Variants in MRPL3 observed in about 807,000 individuals in gnomAD.
MRPL3 encodes the protein mitochondrial ribosomal protein L3, also known as large ribosomal subunit protein uL3m.
A neutral mutation model predicts 44.3 loss-of-function variants in MRPL3; 43 were observed. That is an observed-to-expected ratio of 0.97 (90% confidence interval 0.76 to 1.25). The LOEUF (loss-of-function observed/expected upper bound fraction) is 1.25. Among genes scored for constraint, MRPL3 ranks in the 50% most tolerant of loss-of-function variants. The pLI is 0.00. For synonymous variants in MRPL3, 171 were observed against 152.3 expected (o/e 1.12, Z -0.91); for missense variants, 406 against 427.6 (o/e 0.95, Z 0.45).
rs1433613457 is a variant in MRPL3, at chr3:131,466,697, G to C, written c.894+1394C>G. On this transcript the variant is annotated intron_variant, in intron 9 of 9. Coordinates refer to ENST00000264995, the MANE Select transcript of MRPL3 (RefSeq NM_007208.4). ...GCCAAAAAGCATTTTTTTTGGGGGG[G>C]GGTGGGGGCAGGGTTTACTTATAAT... is the stretch of plus-strand genomic sequence containing the variant. Among the ~76,000 whole-genome samples the C allele has an allele frequency of 1.8e-4, 27 of 148,864 alleles. No individual in the cohort carries two copies. The East Asian group carries it at 4.6e-3, about 25-fold the overall frequency.
intron 6 of MRPL3, among the ~76,000 whole-genome samples, chr3:131,478,580 C>A (rs1176234877): frequency 6.6e-6 from 1 of 152,182 alleles, no homozygotes; most frequent in African/African-American, 2.4e-5. Context: ...GCCACTCTTC[C>A]ATGCCTTTGT....
chr3:131,468,152 G>C lies in MRPL3; in HGVS notation c.833C>G (p.Thr278Arg). 1.3e-6 allele frequency: 2 copies of C among 1,587,804 alleles called. No homozygotes were observed. Among genetic ancestry groups the C allele is most frequent in the Non-Finnish European group, 1.7e-6 (2 of 1,169,422 alleles). The change falls in exon 9 of 10, where the codon ACA becomes AGA. Residue 278 changes from threonine (T) to arginine (R), a missense_variant. Physicochemically the swap from Thr to Arg is moderately conservative, Grantham distance 71 (BLOSUM62 -1). Coordinates refer to ENST00000264995, the MANE Select transcript of MRPL3 (RefSeq NM_007208.4). The stretch of plus-strand genomic sequence containing the variant: ...ATTTACATAGATTATGTTGTGCTTT[G>C]TGTTTATTCTCCACACCTAAAGCAT... Reference protein sequence around the residue: ...EYGLKVWRINTKHNIIYVNGS... With the variant: ...EYGLKVWRINRKHNIIYVNGS...
At chr3:131,479,187 C>A (rs768833654) in intron 6 of MRPL3, 1 of 519,058 alleles carries the variant, frequency 1.9e-6, no homozygotes, top group South Asian at 1.4e-5. Context: ...ACACTGTCCC[C>A]CCTGCCTGGA....
intron 6 of MRPL3, among the ~76,000 whole-genome samples, chr3:131,478,347 TTCCTTC>T (rs1933900686): frequency 6.6e-6 from 1 of 152,168 alleles, no homozygotes. Flanking sequence ...AACATCTCTC[TTCCTTC>T]AAGTTATCCT....
In MRPL3 at chr3:131,498,122, T is replaced by A. The variant is rs1934407018; in HGVS notation, c.468+57A>T. The A allele has an allele frequency of 2.5e-6, 3 of 1,183,562 alleles. No individual in the cohort carries two copies. The South Asian group carries it at 3.7e-5, about 15-fold the overall frequency. The allele number at this position is 1,183,562 out of a possible 1,614,324, so 73.3% of individuals were successfully genotyped here. On this transcript the variant is annotated intron_variant, in intron 4 of 9. Coordinates refer to ENST00000264995, the MANE Select transcript of MRPL3 (RefSeq NM_007208.4). ...GGAACAATCTCAAAACATAAACTCA[T>A]CCAGATTTGAAACTGATGAAAAATG... is the stretch of plus-strand genomic sequence containing the variant.
intron 4 of MRPL3, among the ~76,000 whole-genome samples, chr3:131,491,957 T>C (rs750527906): frequency 6.6e-6 from 1 of 152,108 alleles, no homozygotes; most frequent in African/African-American, 2.4e-5. Context: ...TCTGACCTCA[T>C]CTTTTACTCT....
chr3:131,489,697 T>C (rs1334945508), intron 5 of MRPL3, among the ~76,000 whole-genome samples: 1 of 152,080 alleles, frequency 6.6e-6, no homozygotes, highest in Non-Finnish European at 1.5e-5. Context: ...CAACGATCTT[T>C]GAATTTTAAA....
chr3:131,476,455 C>T (rs1933854269), intron 6 of MRPL3, among the ~76,000 whole-genome samples: 1 of 152,090 alleles, frequency 6.6e-6, no homozygotes, highest in African/African-American at 2.4e-5. Flanking sequence ...AAGGTTTCCA[C>T]AGGTCATATA....
intron 4 of MRPL3, among the ~76,000 whole-genome samples, chr3:131,490,292 G>C (rs1934226367): frequency 6.6e-6 from 1 of 152,048 alleles, no homozygotes. Context: ...TTACTATTTA[G>C]ATTCCAATCA....
chr3:131,495,882 C>CAA (rs879753857), intron 4 of MRPL3, among the ~76,000 whole-genome samples: 1 of 152,116 alleles, frequency 6.6e-6, no homozygotes, highest in Admixed American at 6.6e-5. Flanking sequence ...CAGAGACCAT[C>CAA]AAGTACTATT....
At chr3:131,496,560 A>G (rs1204191966) in intron 4 of MRPL3, among the ~76,000 whole-genome samples, 1 of 152,132 alleles carries the variant, frequency 6.6e-6, no homozygotes, top group Non-Finnish European at 1.5e-5. Context: ...CATCTCAAAC[A>G]TCTTTCCTCC....
At chr3:131,488,361 T>C (rs1380361936) in intron 5 of MRPL3, among the ~76,000 whole-genome samples, 2 of 152,200 alleles carry the variant, frequency 1.3e-5, no homozygotes, top group African/African-American at 4.8e-5. Flanking sequence ...AAACTAGTTG[T>C]ATGCAAATAA....
At position 131,502,546 on chromosome 3, in the gene MRPL3, T is replaced by TCAC. The variant is rs1191238957; in HGVS notation, c.92+183_92+184insGTG. 1.0e-3 allele frequency among the ~76,000 whole-genome samples: 157 copies of TCAC among 152,330 alleles called. 1 individual carries two copies. Among genetic ancestry groups the TCAC allele is most frequent in the African/African-American group, 3.7e-3 (154 of 41,582 alleles). On this transcript the variant is annotated intron_variant, in intron 1 of 9. Transcript: ENST00000264995. ...GCTAGTGGCTGGCTCATAAGCGTTTTTTAAAAATCACCACTTCAATCCCCT... is the reference window on the plus strand; with the variant it reads ...GCTAGTGGCTGGCTCATAAGCGTTTTCACTTAAAAATCACCACTTCAATCCCCT...
chr3:131,477,757 C>T (rs1316294498), intron 6 of MRPL3, among the ~76,000 whole-genome samples: 1 of 152,142 alleles, frequency 6.6e-6, no homozygotes, highest in South Asian at 2.1e-4. Flanking sequence ...AACCACAATA[C>T]CATTATCACA....
At chr3:131,491,226 C>A in intron 4 of MRPL3, among the ~76,000 whole-genome samples, 1 of 152,132 alleles carries the variant, frequency 6.6e-6, no homozygotes. Flanking sequence ...GCTCCTAGCA[C>A]TCAATGCAAA....
chr3:131,470,420 A>T (rs1278878032), intron 7 of MRPL3, among the ~76,000 whole-genome samples: 3 of 152,078 alleles, frequency 2.0e-5, no homozygotes, highest in Admixed American at 6.6e-5. Flanking sequence ...CAATATAAAC[A>T]CTTTTCCATC....
At chr3:131,495,609 G>A (rs1471730536) in intron 4 of MRPL3, among the ~76,000 whole-genome samples, 1 of 151,976 alleles carries the variant, frequency 6.6e-6, no homozygotes, top group Non-Finnish European at 1.5e-5. Context: ...AAAGCTATCA[G>A]AATAAGCTAA....
At chr3:131,501,152 T>C (rs1008613418) in intron 2 of MRPL3, among the ~76,000 whole-genome samples, 1 of 152,258 alleles carries the variant, frequency 6.6e-6, no homozygotes, top group African/African-American at 2.4e-5. Flanking sequence ...CCAGGGGTTA[T>C]GCTTCCCAAA....
intron 6 of MRPL3, among the ~76,000 whole-genome samples, chr3:131,482,531 A>T (rs1034741477): frequency 2.8e-4 from 43 of 151,746 alleles, no homozygotes; most frequent in South Asian, 2.7e-3. Context: ...AAAAAAAAAA[A>T]TTTTATTACT....
Sources: gnomAD v4.1 joint callset for allele counts (sites outside exome capture counted in the v4.1 genomes callset) on GRCh38, gnomAD v4.1.1 for gene constraint, MANE v1.5 for transcripts, NCBI Gene and HGNC (gene_info 2026-07-23, HGNC 2026-07-21) for gene names.